Variants in COL6A5 observed in about 807,000 individuals in gnomAD.
COL6A5 encodes collagen alpha-5(VI) chain.
COL6A5 carries 48 observed loss-of-function variants against 65.6 expected under a neutral mutation model. The ratio of observed to expected loss-of-function variants is 0.73; its 90% CI spans 0.58 to 0.93. The LOEUF (loss-of-function observed/expected upper bound fraction) is 0.93. Among genes scored for constraint, COL6A5 ranks in the 40% least tolerant of loss-of-function variants. The pLI is 0.00. For synonymous variants in COL6A5, 291 were observed against 322.8 expected (o/e 0.90, Z 1.05); for missense variants, 914 against 928.3 (o/e 0.98, Z 0.20).
chr3:130,410,640 T>C, intron 20 of COL6A5, 116 bp downstream of exon 20: 3 of 834,260 alleles, frequency 3.6e-6, no homozygotes, highest in Non-Finnish European at 5.8e-6. Flanking sequence ...TTTTCAGGGC[T>C]TCTCCATCTT....
At chr3:130,460,112 T>C (rs987804270) in intron 5 of COL6A5, among the ~76,000 whole-genome samples, 37 of 152,148 alleles carry the variant, frequency 2.4e-4, no homozygotes, top group Non-Finnish European at 4.6e-4. Flanking sequence ...TAGAATAAAA[T>C]GCAGCAGTAT....
At chr3:130,429,455 G>T, upstream of COL6A5, 1 of 777,588 alleles carries the variant, frequency 1.3e-6, no homozygotes. Flanking sequence ...TTAGGAATTA[G>T]CCTCATTTGC....
At chr3:130,403,579 T>TA (rs1559882666) in intron 12 of COL6A5, 30 bp from the exon 13 acceptor site, 3 of 1,540,022 alleles carry the variant, frequency 1.9e-6, no homozygotes, top group Admixed American at 2.0e-5. Context: ...GGGGGGTGAC[T>TA]AAAATGTATT....
chr3:130,445,937 A>G (rs1373754893), intron 4 of COL6A5, among the ~76,000 whole-genome samples: 1 of 152,098 alleles, frequency 6.6e-6, no homozygotes, highest in Non-Finnish European at 1.5e-5. Context: ...GGCCCTCAAA[A>G]TTTTTAGGGC....
chr3:130,345,768 C>T lies in COL6A5; in HGVS notation c.-242C>T, dbSNP rs1438901504. 42 of 398,516 alleles carry T rather than the reference C, an allele frequency of 1.1e-4. No homozygotes were observed. The highest frequency in any genetic ancestry group is 4.4e-5 in the Admixed American group (1 of 22,710). 24.7% of individuals were successfully genotyped at this position (398,516 alleles called of 1,614,324 possible). ...CGGCTTAAAAGACCCTCTCAGGGCA[C>T]GAGGCGTTCGCTGCGGGAATCCACC... On this transcript the variant is annotated 5_prime_UTR_variant and NMD_transcript_variant, in exon 1 of 42. The change creates a new upstream start codon in the 5' untranslated region. Coordinates refer to the COL6A5 transcript ENST00000312481.
chr3:130,401,835 G>A (rs1216549920), exon 12 of COL6A5: 21 of 1,551,130 alleles, frequency 1.4e-5, no homozygotes, highest in Admixed American at 5.9e-5. Context: ...CATGGGACCC[G>A]AGGACTACAA....
chr3:130,413,606 C>A (rs1937246543), intron 21 of COL6A5, 26 bp downstream of exon 21: 1 of 1,545,578 alleles, frequency 6.5e-7, no homozygotes, highest in Non-Finnish European at 8.8e-7. Flanking sequence ...TTCCTGTTCT[C>A]TGTGGTTGAT....
At chr3:130,470,312 G>T (rs1490158706) in intron 6 of COL6A5, among the ~76,000 whole-genome samples, 1 of 152,044 alleles carries the variant, frequency 6.6e-6, no homozygotes, top group African/African-American at 2.4e-5. Flanking sequence ...ACTTTGAATG[G>T]TCTCTGCAGC....
intron 21 of COL6A5, 38 bp from the exon 22 acceptor site, chr3:130,414,031 T>C: frequency 7.1e-7 from 1 of 1,406,282 alleles, no homozygotes; most frequent in Non-Finnish European, 9.8e-7. Flanking sequence ...GGAAACAACG[T>C]GTAGAAATGC....
intron 6 of COL6A5, among the ~76,000 whole-genome samples, chr3:130,470,484 T>G (rs1709919899): frequency 6.6e-6 from 1 of 151,732 alleles, no homozygotes; most frequent in African/African-American, 2.4e-5. Flanking sequence ...GGCAGACAAT[T>G]TCAATAGCTA....
At chr3:130,439,224 C>A (rs1033390089) in intron 1 of COL6A5, among the ~76,000 whole-genome samples, 1 of 141,174 alleles carries the variant, frequency 7.1e-6, no homozygotes, top group Non-Finnish European at 1.5e-5. Context: ...TTAATACTTG[C>A]CCCAGTGAGT....
At position 130,385,358 on chromosome 3, in the gene COL6A5, G is replaced by T. The variant is rs538979969; in HGVS notation, c.1855G>T (p.Glu619Ter). ...TGAAGTCGTTCGTGAAATCTGCGCT[G>T]AAAAAGGTAAGCAACACAAAAAAGG... Residue 619 changes from glutamate to a stop codon, truncating the protein, a stop_gained and NMD_transcript_variant, in exon 5 of 42, where the codon GAA (glutamate) becomes TAA (stop). Transcript: ENST00000312481. The T allele has an allele frequency of 1.9e-6, 3 of 1,548,720 alleles. No homozygotes were observed. The South Asian group carries it at 3.6e-5, about 19-fold the overall frequency.
At chr3:130,390,346 G>C (rs149680927) in intron 6 of COL6A5, among the ~76,000 whole-genome samples, 19 of 152,178 alleles carry the variant, frequency 1.2e-4, no homozygotes, top group African/African-American at 4.3e-4. Context: ...ATACAGCCTG[G>C]GGACATTCAC....
At chr3:130,402,505 C>A (rs2107665616) in intron 12 of COL6A5, among the ~76,000 whole-genome samples, 1 of 152,102 alleles carries the variant, frequency 6.6e-6, no homozygotes, top group East Asian at 1.9e-4. Context: ...ATGGTAATGA[C>A]TAAAAAAAGC....
chr3:130,386,079 C>A (rs1394373005), intron 5 of COL6A5, among the ~76,000 whole-genome samples: 1 of 151,936 alleles, frequency 6.6e-6, no homozygotes, highest in African/African-American at 2.4e-5. Context: ...GCCACTTACA[C>A]CACTTACTAG....
chr3:130,440,488 A>G (rs776172816), exon 3 of COL6A5: 11 of 1,613,624 alleles, frequency 6.8e-6, no homozygotes, highest in East Asian at 2.2e-5. Flanking sequence ...CTTCCTTCCA[A>G]CAGCTAAATG....
intron 4 of COL6A5, among the ~76,000 whole-genome samples, 189 bp from the exon 37 acceptor site, chr3:130,455,266 C>T (rs1011133746): frequency 2.0e-5 from 3 of 152,006 alleles, no homozygotes; most frequent in Middle Eastern, 3.4e-3. Flanking sequence ...AGTAGAAAAT[C>T]TTATCAGAGT....
chr3:130,376,602 G>C (rs747996709), exon 3 of COL6A5: 8 of 1,609,512 alleles, frequency 5.0e-6, no homozygotes, highest in Non-Finnish European at 6.8e-6. Context: ...GGCTTCGGCT[G>C]AGTCTGAGGA....
chr3:130,397,707 C>T (rs1936651926), exon 9 of COL6A5: 2 of 1,550,062 alleles, frequency 1.3e-6, no homozygotes, highest in African/African-American at 2.7e-5. Flanking sequence ...TCAGCTCTAT[C>T]AAGGGGGTGA....
Sources: gnomAD v4.1 joint callset for allele counts (sites outside exome capture counted in the v4.1 genomes callset) on GRCh38, gnomAD v4.1.1 for gene constraint, MANE v1.5 for transcripts, NCBI Gene and HGNC (gene_info 2026-07-23, HGNC 2026-07-21) for gene names.